The following ANK2 variants were observed in gnomAD, a reference collection of about 807,000 sequenced individuals.
ANK2 encodes ankyrin 2, also known as ankyrin-2.
A neutral mutation model predicts 360.5 loss-of-function variants in ANK2; 83 were observed. That is an observed-to-expected ratio of 0.23 (90% CI 0.19 to 0.28). ANK2 has a LOEUF of 0.28. Ranked by LOEUF, ANK2 falls within the 10% of genes least tolerant of loss-of-function variation. The pLI is 1.00. For missense variants in ANK2, 4,201 were observed against 4,795.7 expected (o/e 0.88, Z 3.66); for synonymous variants, 1,740 against 1,759.5 (o/e 0.99, Z 0.28).
intron 22 of ANK2, among the ~76,000 whole-genome samples, chr4:113,294,165 T>C (rs1191797768): frequency 6.6e-6 from 1 of 152,240 alleles, no homozygotes; most frequent in East Asian, 1.9e-4. Context: ...TCAGTGATTA[T>C]CACTGGCCTT....
intron 2 of ANK2, among the ~76,000 whole-genome samples, chr4:112,969,114 C>A (rs74389375): frequency 0.02 from 3,106 of 152,214 alleles, 89 homozygotes; most frequent in African/African-American, 0.061. Flanking sequence ...CACTGAGGTT[C>A]TAGGAGGTAT....
At chr4:113,307,410 A>G (rs894067870) in intron 23 of ANK2, among the ~76,000 whole-genome samples, 2 of 105,990 alleles carry the variant, frequency 1.9e-5, no homozygotes, top group Non-Finnish European at 3.6e-5. Flanking sequence ...GAGCCATTCC[A>G]CCTTTTTTTT....
At chr4:112,882,827 CAAAA>C (rs1292313479) in intron 1 of ANK2, among the ~76,000 whole-genome samples, 1 of 150,428 alleles carries the variant, frequency 6.6e-6, no homozygotes, top group African/African-American at 2.4e-5. Flanking sequence ...GGATAAATTC[CAAAA>C]AAAGAAACAC....
At chr4:112,939,877 T>G (rs1349613372) in intron 2 of ANK2, among the ~76,000 whole-genome samples, 1 of 152,210 alleles carries the variant, frequency 6.6e-6, no homozygotes, top group Non-Finnish European at 1.5e-5. Context: ...AAGAACAAAA[T>G]TTGATGTAAA....
At chr4:113,080,561 C>T (rs1006161887) in intron 1 of ANK2, among the ~76,000 whole-genome samples, 63 of 152,228 alleles carry the variant, frequency 4.1e-4, no homozygotes, top group African/African-American at 1.4e-3. Context: ...AGTACATTGT[C>T]TGGTAGACCT....
chr4:113,001,442 C>T (rs924274545), intron 2 of ANK2, among the ~76,000 whole-genome samples: 1 of 151,688 alleles, frequency 6.6e-6, no homozygotes, highest in South Asian at 2.1e-4. Context: ...AGACTATAGT[C>T]AAGTGGTTGA....
At position 113,357,434 on chromosome 4, in the gene ANK2, G is replaced by C; in HGVS notation, c.8816G>C (p.Ser2939Thr). 1.2e-6 allele frequency: 2 copies of C among 1,613,990 alleles called. No individual in the cohort carries two copies. The highest frequency in any genetic ancestry group is 1.7e-6 in the Non-Finnish European group (2 of 1,179,960). The change falls in exon 38 of 46, where the codon AGT becomes ACT. Residue 2939 changes from serine (S) to threonine (T), a missense_variant. Ser to Thr is a moderately conservative substitution (Grantham distance 58). Around this residue, in one of 4 missense-constraint regions of ANK2, gnomAD observed 2,642 missense variants for 2,714.5 expected, o/e 0.97. Coordinates refer to ENST00000357077, the MANE Select transcript of ANK2 (RefSeq NM_001148.6). The part of the protein sequence containing the change: ...ENVPSQSFFS[S>T]EESKTQTDAN... The stretch of plus-strand genomic sequence containing the variant: ...GTCCCTTCCCAATCTTTTTTCTCTA[G>C]TGAAGAAAGCAAAACCCAAACAGAT...
At chr4:113,324,099 A>C (rs1050340588) in intron 26 of ANK2, among the ~76,000 whole-genome samples, 1 of 152,226 alleles carries the variant, frequency 6.6e-6, no homozygotes, top group South Asian at 2.1e-4. Context: ...AAAGTGCTAC[A>C]TAGAGATGAA....
chr4:113,255,991 C>G, intron 11 of ANK2, 59 bp downstream of exon 11: 1 of 1,547,226 alleles, frequency 6.5e-7, no homozygotes, highest in Non-Finnish European at 8.9e-7. Flanking sequence ...AACCCACATT[C>G]ATTGACCAAC....
intron 2 of ANK2, among the ~76,000 whole-genome samples, chr4:112,918,857 T>G (rs1465766443): frequency 6.6e-6 from 1 of 152,230 alleles, no homozygotes; most frequent in Admixed American, 6.5e-5. Context: ...TGTTGTTTAT[T>G]TGGCTACTTC....
intron 1 of ANK2, among the ~76,000 whole-genome samples, chr4:112,847,316 C>T (rs2063543038): frequency 1.3e-5 from 2 of 152,198 alleles, no homozygotes; most frequent in African/African-American, 4.8e-5. Context: ...ACTTTTCTCT[C>T]TCTCAGTGGT....
At chr4:113,048,807 A>T (rs138676406), upstream of ANK2, among the ~76,000 whole-genome samples, 1 of 152,036 alleles carries the variant, frequency 6.6e-6, no homozygotes, top group African/African-American at 2.4e-5. Context: ...TTAGTTTTTT[A>T]TGTTTTTATT....
intron 2 of ANK2, among the ~76,000 whole-genome samples, chr4:113,029,485 C>G (rs1037966065): frequency 2.0e-5 from 3 of 152,062 alleles, no homozygotes; most frequent in Admixed American, 2.0e-4. Context: ...CCCACCTCAC[C>G]CTCCCAAAGT....
intron 1 of ANK2, among the ~76,000 whole-genome samples, chr4:113,114,789 A>C (rs1443214473): frequency 6.6e-6 from 1 of 152,114 alleles, no homozygotes; most frequent in African/African-American, 2.4e-5. Flanking sequence ...TGAGGTTTCT[A>C]GAAGAGGAGA....
intron 2 of ANK2, among the ~76,000 whole-genome samples, chr4:112,993,656 A>C (rs2047606088): frequency 6.6e-6 from 1 of 152,020 alleles, no homozygotes; most frequent in African/African-American, 2.4e-5. Context: ...AGGAGCATTA[A>C]AAGAAACAAA....
At chr4:112,840,968 A>C (rs768557811) in intron 1 of ANK2, among the ~76,000 whole-genome samples, 8 of 152,190 alleles carry the variant, frequency 5.3e-5, no homozygotes, top group Non-Finnish European at 1.0e-4. Context: ...TTGAGTATCC[A>C]TATCTTTCAG....
At chr4:113,271,394 G>C (rs1349497589) in intron 14 of ANK2, among the ~76,000 whole-genome samples, 1 of 152,034 alleles carries the variant, frequency 6.6e-6, no homozygotes, top group Non-Finnish European at 1.5e-5. Flanking sequence ...AAGGGTGCAG[G>C]GGGTATTGGG....
intron 4 of ANK2, among the ~76,000 whole-genome samples, chr4:113,201,529 A>G (rs186895432): frequency 3.9e-5 from 6 of 152,352 alleles, no homozygotes; most frequent in Admixed American, 3.9e-4. Flanking sequence ...CTTATACATC[A>G]TGAAAATGAA....
rs2080595260 is a variant in ANK2, at chr4:112,893,094, T to G, written c.-39-11361T>G. Among the ~76,000 whole-genome samples the G allele has an allele frequency of 2.0e-5, 3 of 152,208 alleles. No homozygotes were observed. In the South Asian group the frequency reaches 6.2e-4, roughly 32 times the overall value. ...CTAGCTCCAATCTTATAAACAATCC[T>G]GGAAATGTTAACTTCAATTTTCTCA... On this transcript the variant is annotated intron_variant, in intron 1 of 30. Transcript: ENST00000503271.
Sources: allele counts gnomAD v4.1 joint callset (sites outside exome capture counted in the v4.1 genomes callset), GRCh38; gene constraint gnomAD v4.1.1; regional missense constraint gnomAD v4.1.1; transcripts MANE v1.5; gene names NCBI Gene and HGNC (gene_info 2026-07-23, HGNC 2026-07-21).